The following ADGRL3 variants were observed in gnomAD, a reference collection of about 807,000 sequenced individuals.
The protein encoded by ADGRL3 is calcium-independent alpha-latrotoxin receptor 3.
A neutral mutation model predicts 153.5 loss-of-function variants in ADGRL3; 62 were observed. The observed-to-expected ratio is 0.40, with a 90% CI of 0.33 to 0.50. The LOEUF is 0.50. Ranked by LOEUF, ADGRL3 falls within the 20% of genes least tolerant of loss-of-function variation. The probability of loss-of-function intolerance (pLI) is 0.47; values close to 1 mark genes in which losing one functional copy is unlikely to be tolerated. For synonymous variants in ADGRL3, 710 were observed against 672.5 expected (o/e 1.06, Z -0.86); for missense variants, 1,641 against 1,859.4 (o/e 0.88, Z 2.16).
intron 1 of ADGRL3, among the ~76,000 whole-genome samples, chr4:61,347,427 C>A (rs996725396): frequency 3.3e-5 from 5 of 151,978 alleles, no homozygotes; most frequent in Non-Finnish European, 5.9e-5. Context: ...ATTAACACAC[C>A]ATCCTAGTAT....
At chr4:62,010,659 T>C (rs546880159) in intron 21 of ADGRL3, among the ~76,000 whole-genome samples, 1 of 151,552 alleles carries the variant, frequency 6.6e-6, no homozygotes, top group African/African-American at 2.4e-5. Context: ...AATATGCTAC[T>C]GTGGCTATAT....
chr4:61,640,109 T>TACTTAGAATCATTTAC (rs1245216353), intron 5 of ADGRL3, among the ~76,000 whole-genome samples: 3 of 152,106 alleles, frequency 2.0e-5, no homozygotes, highest in Non-Finnish European at 4.4e-5. Flanking sequence ...GCAGCCTTAC[T>TACTTAGAATCATTTAC]ACTTAGAATC....
intron 23 of ADGRL3, among the ~76,000 whole-genome samples, chr4:62,034,719 C>T (rs571976335): frequency 1.6e-4 from 25 of 151,760 alleles, no homozygotes; most frequent in African/African-American, 5.5e-4. Context: ...AATTATTTGT[C>T]GAATGTTTCA....
At chr4:62,036,327 T>C (rs2151571618) in intron 23 of ADGRL3, among the ~76,000 whole-genome samples, 1 of 152,126 alleles carries the variant, frequency 6.6e-6, no homozygotes, top group South Asian at 2.1e-4. Context: ...CCAGCCACTC[T>C]TTTGAAGACT....
chr4:61,853,269 A>G (rs2098228708), intron 9 of ADGRL3, among the ~76,000 whole-genome samples: 1 of 152,168 alleles, frequency 6.6e-6, no homozygotes, highest in Admixed American at 6.6e-5. Context: ...CTCCTTATGA[A>G]TAACAAAAGA....
intron 4 of ADGRL3, among the ~76,000 whole-genome samples, chr4:61,534,726 A>G (rs1196786392): frequency 6.6e-6 from 1 of 151,942 alleles, no homozygotes; most frequent in Non-Finnish European, 1.5e-5. Context: ...TTGAGTTCTT[A>G]ATTTGGTTCT....
intron 5 of ADGRL3, among the ~76,000 whole-genome samples, chr4:61,640,663 T>C (rs1441139894): frequency 6.6e-6 from 1 of 152,206 alleles, no homozygotes; most frequent in East Asian, 1.9e-4. Context: ...ATAGGAATTT[T>C]TGTTTGCATA....
At chr4:61,639,500 G>T (rs1262006506) in intron 5 of ADGRL3, among the ~76,000 whole-genome samples, 1 of 151,938 alleles carries the variant, frequency 6.6e-6, no homozygotes, top group East Asian at 1.9e-4. Flanking sequence ...AACATAGAAA[G>T]GAAATTTCAA....
rs770602620 is a variant in ADGRL3, at chr4:62,076,170, A to C, written c.*5262A>C. 2.0e-5 allele frequency: 3 copies of C among 152,138 alleles called. No homozygotes were observed. The highest frequency in any genetic ancestry group is 4.4e-5 in the Non-Finnish European group (3 of 67,980). 9.4% of individuals were successfully genotyped at this position (152,138 alleles called of 1,614,324 possible). A position where few individuals can be genotyped will look rare whatever the true frequency, so the allele number is the denominator to read the frequency against. On this transcript the variant is annotated 3_prime_UTR_variant, in exon 27 of 27. Coordinates refer to ENST00000683033, the MANE Select transcript of ADGRL3 (RefSeq NM_001387552.1). The stretch of plus-strand genomic sequence containing the variant: ...ATTGCTATTCCTTCTTTATTTAAAA[A>C]AAAATTTAAAAGTCAGCACTTCTTT...
At chr4:61,556,042 A>G (rs1367849431) in intron 4 of ADGRL3, among the ~76,000 whole-genome samples, 1 of 152,148 alleles carries the variant, frequency 6.6e-6, no homozygotes, top group Non-Finnish European at 1.5e-5. Flanking sequence ...TCATCTGGGA[A>G]TGCAGCCCAG....
chr4:62,052,487 T>A (rs1734756788), intron 25 of ADGRL3, among the ~76,000 whole-genome samples: 1 of 151,424 alleles, frequency 6.6e-6, no homozygotes, highest in South Asian at 2.1e-4. Flanking sequence ...AAAAACTGAA[T>A]ATATGAGGAT....
intron 1 of ADGRL3, among the ~76,000 whole-genome samples, chr4:61,269,677 C>T (rs2093048825): frequency 6.6e-6 from 1 of 151,704 alleles, no homozygotes; most frequent in African/African-American, 2.4e-5. Flanking sequence ...TAAGCTGTCA[C>T]ATTCAACAAG....
At chr4:61,443,579 A>C (rs2097549217) in intron 2 of ADGRL3, among the ~76,000 whole-genome samples, 1 of 152,166 alleles carries the variant, frequency 6.6e-6, no homozygotes, top group African/African-American at 2.4e-5. Flanking sequence ...TTTAAAATTG[A>C]TAATGATGTT....
At chr4:61,775,733 T>C (rs2097140211) in intron 8 of ADGRL3, 1 of 1,034,910 alleles carries the variant, frequency 9.7e-7, no homozygotes, top group Non-Finnish European at 1.5e-6. Context: ...TCTAAGCCTT[T>C]GGTAGCTTCA....
rs372037714 is a variant in ADGRL3 at position 61,676,880 on chromosome 4, C to T, written c.528C>T (p.Asp176=). The stretch of plus-strand genomic sequence containing the variant: ...TGGCAGGTCCTGATGTTTTTCCAGA[C>T]CCGTGTCCAGGAACCTATAAATACC... ...AVVAGPDVFP[D]PCPGTYKYLE... is the part of the protein sequence containing the mutation. The change falls in exon 6 of 27, where the codon GAC becomes GAT. Residue 176 remains aspartate, a synonymous_variant. Transcript: ENST00000683033. 5 of 1,612,150 alleles carry T rather than the reference C, an allele frequency of 3.1e-6. No individual in the cohort carries two copies. The highest frequency in any genetic ancestry group is 2.5e-6 in the Non-Finnish European group (3 of 1,178,624).
chr4:61,870,534 A>G (rs1419052386), intron 9 of ADGRL3, among the ~76,000 whole-genome samples: 1 of 152,222 alleles, frequency 6.6e-6, no homozygotes, highest in Admixed American at 6.5e-5. Flanking sequence ...AACTGGAGAA[A>G]TGATTTGCAA....
chr4:61,348,834 TTGTG>T (rs2151281250), intron 1 of ADGRL3, among the ~76,000 whole-genome samples: 1 of 152,120 alleles, frequency 6.6e-6, no homozygotes, highest in Non-Finnish European at 1.5e-5. Flanking sequence ...AATTATTTCT[TTGTG>T]TTTTACTGCA....
At chr4:61,275,570 A>G (rs147649376) in intron 1 of ADGRL3, among the ~76,000 whole-genome samples, 1 of 152,278 alleles carries the variant, frequency 6.6e-6, no homozygotes, top group East Asian at 1.9e-4. Flanking sequence ...TGCATAGTCG[A>G]TCTAGTCTGA....
chr4:61,832,812 CT>C (rs11340246), intron 9 of ADGRL3, among the ~76,000 whole-genome samples: 45,088 of 136,880 alleles, frequency 0.33, 8,608 homozygotes, highest in East Asian at 0.61. Context: ...TTTTCTTTTT[CT>C]TTTTTTTTTT....
Sources: allele counts gnomAD v4.1 joint callset (sites outside exome capture counted in the v4.1 genomes callset), GRCh38; gene constraint gnomAD v4.1.1; transcripts MANE v1.5; gene names NCBI Gene and HGNC (gene_info 2026-07-23, HGNC 2026-07-21).